Variants in CGRRF1 observed in about 807,000 individuals in gnomAD.
The protein encoded by CGRRF1 is cell growth regulator with ring finger domain 1.
CGRRF1 carries 32 observed loss-of-function variants against 37.2 expected under a neutral mutation model. The observed-to-expected ratio is 0.86, with a 90% CI of 0.65 to 1.16. The LOEUF (loss-of-function observed/expected upper bound fraction) is 1.16, where lower values mean the gene tolerates loss of function less well. Ranked by LOEUF, CGRRF1 falls within the 50% of genes most tolerant of loss-of-function variation. The pLI, the probability that CGRRF1 is intolerant of heterozygous loss-of-function variation, is 0.00. For synonymous variants in CGRRF1, 141 were observed against 140.3 expected, an observed-to-expected ratio of 1.00 and a Z score of -0.04; for missense variants, 391 against 382.6, an observed-to-expected ratio of 1.02 and a Z score of -0.18.
intron 1 of CGRRF1, 105 bp from the exon 2 acceptor site, chr14:54,522,349 C>T: frequency 1.3e-6 from 1 of 767,900 alleles, no homozygotes; most frequent in South Asian, 2.9e-5. Context: ...CTCTTTCTGA[C>T]ACTTAATGCT....
Position 54,522,511 on chromosome 14 carries a change from AAG to A in CGRRF1, c.165_166del (p.Arg55SerfsTer19). 1 of 1,609,908 alleles carries A rather than the reference AAG, an allele frequency of 6.2e-7. No individual in the cohort carries two copies. Among genetic ancestry groups the A allele is most frequent in the Non-Finnish European group, 8.5e-7 (1 of 1,178,360 alleles). ...ATTCAGAAGAGACCCAGTTCAGCACAAGAGTTTTCAAAAAGCAAATGAGACAA... is the reference window on the plus strand; with the variant it reads ...ATTCAGAAGAGACCCAGTTCAGCACAAGTTTTCAAAAAGCAAATGAGACAA... ...RNSEETQFST[R>X]VFKKQMRQVK... is the part of the protein sequence containing the mutation. On this transcript the variant is annotated frameshift_variant, in exon 2 of 6. Coordinates refer to ENST00000216420, the MANE Select transcript of CGRRF1 (RefSeq NM_006568.3). LOFTEE classifies it high-confidence loss of function.
rs1205658385 is a variant in CGRRF1, at chr14:54,524,633, T to A, written c.244+2040T>A. Among the ~76,000 whole-genome samples, 4 of 152,182 alleles carry A rather than the reference T, an allele frequency of 2.6e-5. No homozygotes were observed. In the East Asian group the frequency reaches 7.7e-4, roughly 29 times the overall value. ...GTCTCAAACTTCTGGCCTCAAGCAGTCCTTCTGCCCCAGGCTCACAAAGTG... is the reference window on the plus strand; with the variant it reads ...GTCTCAAACTTCTGGCCTCAAGCAGACCTTCTGCCCCAGGCTCACAAAGTG... On this transcript the variant is annotated intron_variant, in intron 2 of 5. Transcript: ENST00000216420.
chr14:54,525,405 A>C (rs1443517768), intron 2 of CGRRF1, among the ~76,000 whole-genome samples: 2 of 152,260 alleles, frequency 1.3e-5, no homozygotes, highest in Non-Finnish European at 2.9e-5. Flanking sequence ...CCTCTTAGCT[A>C]TGCCTGCACA....
chr14:54,532,834 C>G (rs1359118180), intron 4 of CGRRF1, among the ~76,000 whole-genome samples: 1 of 151,988 alleles, frequency 6.6e-6, no homozygotes, highest in Non-Finnish European at 1.5e-5. Context: ...CCTCCTTTCT[C>G]TCAGTTTCAG....
chr14:54,518,537 C>T (rs543652194), intron 1 of CGRRF1, among the ~76,000 whole-genome samples: 25 of 146,350 alleles, frequency 1.7e-4, no homozygotes, highest in East Asian at 4.0e-4. Context: ...GCAACAAGAG[C>T]GAAACTCCAT....
chr14:54,533,432 C>T (rs2032551791), intron 4 of CGRRF1, among the ~76,000 whole-genome samples: 1 of 151,928 alleles, frequency 6.6e-6, no homozygotes, highest in Non-Finnish European at 1.5e-5. Context: ...CTGTGGGCTC[C>T]CTCCTTTTTT....
chr14:54,531,867 C>T (rs1275391903), intron 4 of CGRRF1, among the ~76,000 whole-genome samples: 1 of 152,084 alleles, frequency 6.6e-6, no homozygotes. Context: ...TAAAAATGTC[C>T]TTACACACAA....
In CGRRF1 at chr14:54,538,321, C is replaced by A. The variant is rs369558938; in HGVS notation, c.937C>A (p.Gln313Lys). 5 of 1,613,808 alleles carry A rather than the reference C, an allele frequency of 3.1e-6. No homozygotes were observed. The highest frequency in any genetic ancestry group is 4.5e-5 in the East Asian group (2 of 44,876). Residue 313 changes from glutamine to lysine, a missense_variant, in exon 6 of 6, where the codon CAG (glutamine) becomes AAG (lysine). Physicochemically the swap from Gln to Lys is moderately conservative, Grantham distance 53. Transcript: ENST00000216420. The part of the protein sequence containing the change: ...QQCPMCRQFV[Q>K]ESFALCSQKE... ...GTGCCCAATGTGCAGGCAGTTTGTTCAGGAATCTTTTGCACTTTGCAGTCA... is the reference window on the plus strand; with the variant it reads ...GTGCCCAATGTGCAGGCAGTTTGTTAAGGAATCTTTTGCACTTTGCAGTCA...
chr14:54,525,479 C>G (rs372586087), intron 2 of CGRRF1, among the ~76,000 whole-genome samples: 13 of 152,300 alleles, frequency 8.5e-5, no homozygotes, highest in African/African-American at 3.1e-4. Flanking sequence ...TGTGGATGTA[C>G]AGCATGAATA....
intron 1 of CGRRF1, among the ~76,000 whole-genome samples, chr14:54,515,510 G>A (rs1033598150): frequency 6.6e-6 from 1 of 152,132 alleles, no homozygotes; most frequent in Non-Finnish European, 1.5e-5. Flanking sequence ...GTTGTGGGGA[G>A]TATTAGAATT....
At chr14:54,535,480 G>C (rs1007787720) in intron 4 of CGRRF1, among the ~76,000 whole-genome samples, 1 of 152,018 alleles carries the variant, frequency 6.6e-6, no homozygotes, top group African/African-American at 2.4e-5. Flanking sequence ...CCAGTGAGCT[G>C]CCCGGGTGAT....
At chr14:54,519,624 A>G (rs559307804) in intron 1 of CGRRF1, among the ~76,000 whole-genome samples, 125 of 152,196 alleles carry the variant, frequency 8.2e-4, no homozygotes, top group Non-Finnish European at 1.6e-3. Flanking sequence ...TCCAAGTTAT[A>G]AACCTGGCTC....
intron 1 of CGRRF1, among the ~76,000 whole-genome samples, chr14:54,522,061 T>G (rs1034570879): frequency 3.3e-5 from 5 of 152,232 alleles, no homozygotes; most frequent in Admixed American, 1.3e-4. Flanking sequence ...TCTAGGATGC[T>G]TAAGTCCCTT....
At chr14:54,517,785 C>A (rs1355718882) in intron 1 of CGRRF1, among the ~76,000 whole-genome samples, 2 of 152,174 alleles carry the variant, frequency 1.3e-5, no homozygotes, top group Non-Finnish European at 2.9e-5. Flanking sequence ...CCAGCTCCCA[C>A]CCTGATGGGC....
At chr14:54,531,094 G>C in intron 4 of CGRRF1, 44 bp downstream of exon 4, 1 of 1,386,296 alleles carries the variant, frequency 7.2e-7, no homozygotes, top group Non-Finnish European at 1.0e-6. Context: ...TAAGTGATTT[G>C]AATGGTGGTT....
At chr14:54,526,626 G>A (rs562312364) in intron 2 of CGRRF1, among the ~76,000 whole-genome samples, 38 of 152,074 alleles carry the variant, frequency 2.5e-4, no homozygotes, top group South Asian at 6.2e-4. Context: ...TAATGAAATT[G>A]AAAGTTAGAT....
intron 4 of CGRRF1, chr14:54,537,252 C>T (rs2032614700): frequency 6.6e-6 from 1 of 152,270 alleles, no homozygotes; most frequent in Non-Finnish European, 1.5e-5. Context: ...TAGTCGCCCT[C>T]ATAACTCTCT....
intron 1 of CGRRF1, among the ~76,000 whole-genome samples, chr14:54,514,653 G>C (rs1327934499): frequency 6.6e-6 from 1 of 152,162 alleles, no homozygotes; most frequent in Non-Finnish European, 1.5e-5. Context: ...GGGCTCATGA[G>C]TTCTCATCAT....
At chr14:54,532,032 C>T (rs888629044) in intron 4 of CGRRF1, among the ~76,000 whole-genome samples, 5 of 152,110 alleles carry the variant, frequency 3.3e-5, no homozygotes, top group Admixed American at 1.3e-4. Context: ...GGCAAATATT[C>T]TCCTTTCACA....
Sources: allele counts gnomAD v4.1 joint callset (sites outside exome capture counted in the v4.1 genomes callset), GRCh38; gene constraint gnomAD v4.1.1; transcripts MANE v1.5; gene names NCBI Gene and HGNC (gene_info 2026-07-23, HGNC 2026-07-21).